CWF19L2: variants seen among roughly 807,000 people sequenced by gnomAD.
The protein encoded by CWF19L2 is CWF19-like protein 2.
Under a neutral mutation model 111.7 loss-of-function variants are expected in CWF19L2, and 98 were observed. The observed-to-expected ratio is 0.88, with a 90% CI of 0.75 to 1.04. The LOEUF is 1.04. Among genes scored for constraint, CWF19L2 ranks in the 50% least tolerant of loss-of-function variants. CWF19L2 has a pLI of 0.00. For synonymous variants in CWF19L2, 351 were observed against 342.9 expected (o/e 1.02, Z -0.26); for missense variants, 1,101 against 1,051.4 (o/e 1.05, Z -0.65).
chr11:107,429,169 G>A lies in CWF19L2; in HGVS notation c.1063C>T (p.Gln355Ter). ...ETCRRESNPR[Q>*]NQEFSFGNLR... ...TTGCCAAAAGAAAACTCTTGATTTTGCCTTGGGTTAGATTCTCTTCTACAC... is the reference window on the plus strand; with the variant it reads ...TTGCCAAAAGAAAACTCTTGATTTTACCTTGGGTTAGATTCTCTTCTACAC... The change falls in exon 8 of 18, where the codon CAA becomes TAA. Residue 355 changes from glutamine (Q) to a stop codon, truncating the protein, a stop_gained. Coordinates refer to ENST00000282251, the MANE Select transcript of CWF19L2 (RefSeq NM_152434.3). LOFTEE classifies it high-confidence loss of function. 6.2e-7 allele frequency: 1 copy of A among 1,613,740 alleles called. No individual in the cohort carries two copies. The highest frequency in any genetic ancestry group is 8.5e-7 in the Non-Finnish European group (1 of 1,179,766).
intron 8 of CWF19L2, among the ~76,000 whole-genome samples, chr11:107,425,402 C>T (rs966435838): frequency 6.6e-6 from 1 of 151,790 alleles, no homozygotes; most frequent in African/African-American, 2.4e-5. Context: ...TGTTTAGATA[C>T]ACAAATACTT....
At chr11:107,375,177 C>T (rs1369180708) in intron 12 of CWF19L2, among the ~76,000 whole-genome samples, 1 of 133,486 alleles carries the variant, frequency 7.5e-6, no homozygotes, top group Non-Finnish European at 1.6e-5. Context: ...TAATGGGAGA[C>T]TTTAACACCC....
intron 14 of CWF19L2, among the ~76,000 whole-genome samples, chr11:107,341,334 G>C: frequency 6.6e-6 from 1 of 152,078 alleles, no homozygotes; most frequent in East Asian, 1.9e-4. Context: ...TAAATGAGTA[G>C]GAATTTCATC....
At chr11:107,394,505 T>C (rs902064988) in intron 10 of CWF19L2, among the ~76,000 whole-genome samples, 1 of 152,234 alleles carries the variant, frequency 6.6e-6, no homozygotes, top group East Asian at 1.9e-4. Context: ...TATTACATTC[T>C]CTAGCCTGAA....
intron 12 of CWF19L2, among the ~76,000 whole-genome samples, chr11:107,362,195 T>A (rs1860358737): frequency 2.0e-5 from 1 of 50,324 alleles, no homozygotes; most frequent in African/African-American, 1.9e-4. Flanking sequence ...TCTCGCTGAT[T>A]GCTACCACAG....
intron 12 of CWF19L2, among the ~76,000 whole-genome samples, chr11:107,383,099 C>A (rs1860715599): frequency 1.3e-5 from 2 of 152,206 alleles, no homozygotes; most frequent in African/African-American, 4.8e-5. Flanking sequence ...TTATAATAAA[C>A]CAGTAAATGT....
intron 12 of CWF19L2, among the ~76,000 whole-genome samples, chr11:107,361,204 A>C (rs1266927221): frequency 6.6e-6 from 1 of 152,220 alleles, no homozygotes; most frequent in Non-Finnish European, 1.5e-5. Flanking sequence ...CATTTACTGA[A>C]AAGAGTATCT....
chr11:107,440,185 A>G (rs1297082962), intron 5 of CWF19L2, among the ~76,000 whole-genome samples: 1 of 152,176 alleles, frequency 6.6e-6, no homozygotes, highest in Non-Finnish European at 1.5e-5. Context: ...TACTAATGAT[A>G]CCGAAGTTGA....
At chr11:107,345,564 T>G in intron 14 of CWF19L2, 1 of 440,554 alleles carries the variant, frequency 2.3e-6, no homozygotes, top group South Asian at 1.7e-5. Flanking sequence ...ACTAAAATAG[T>G]GTTGCAAGAA....
chr11:107,396,732 A>G (rs1178117067), intron 10 of CWF19L2, among the ~76,000 whole-genome samples: 1 of 152,176 alleles, frequency 6.6e-6, no homozygotes, highest in Non-Finnish European at 1.5e-5. Flanking sequence ...TGTGGATTTT[A>G]GCTCCAGATT....
At chr11:107,436,132 G>GCA (rs1467572966) in intron 6 of CWF19L2, among the ~76,000 whole-genome samples, 1 of 143,556 alleles carries the variant, frequency 7.0e-6, no homozygotes, top group Non-Finnish European at 1.5e-5. Context: ...CCAGCCTTGT[G>GCA]ACAGAGCGAG....
At chr11:107,360,968 A>C (rs1270691214) in intron 12 of CWF19L2, among the ~76,000 whole-genome samples, 1 of 152,066 alleles carries the variant, frequency 6.6e-6, no homozygotes. Context: ...ATTAACTGTC[A>C]TTTGTCTTTG....
rs185152196 is a variant in CWF19L2, at chr11:107,433,182, T to C, written c.780+452A>G. Among the ~76,000 whole-genome samples the C allele has an allele frequency of 6.8e-4, 103 of 152,244 alleles. No individual in the cohort carries two copies. In the East Asian group the frequency reaches 0.018, roughly 26 times the overall value. ...TCAGTAATTACTGCAATAGAAAGAT[T>C]GTCCAGAACGATGGGGAAACTGGTT... On this transcript the variant is annotated intron_variant, in intron 7 of 17. Transcript: ENST00000282251.
intron 8 of CWF19L2, among the ~76,000 whole-genome samples, chr11:107,423,418 A>G (rs1861329064): frequency 1.3e-5 from 2 of 152,110 alleles, no homozygotes; most frequent in Admixed American, 1.3e-4. Context: ...TGCCCTTTCT[A>G]AAGAGCACCA....
At chr11:107,341,229 C>T (rs1216418631) in intron 14 of CWF19L2, among the ~76,000 whole-genome samples, 1 of 152,192 alleles carries the variant, frequency 6.6e-6, no homozygotes, top group Non-Finnish European at 1.5e-5. Context: ...TTCCTTAGCA[C>T]AACATTGTGA....
chr11:107,341,148 T>C (rs1859999737), intron 14 of CWF19L2, among the ~76,000 whole-genome samples: 1 of 152,204 alleles, frequency 6.6e-6, no homozygotes, highest in Non-Finnish European at 1.5e-5. Flanking sequence ...TTTCCACATA[T>C]TTGTGCTTTT....
chr11:107,424,560 T>C (rs1370367281), intron 8 of CWF19L2, among the ~76,000 whole-genome samples: 1 of 151,530 alleles, frequency 6.6e-6, no homozygotes, highest in African/African-American at 2.4e-5. Context: ...CTTCCCAGGA[T>C]AAAAGTTTAG....
chr11:107,445,154 T>C (rs12274630), intron 3 of CWF19L2, among the ~76,000 whole-genome samples: 12,351 of 152,270 alleles, frequency 0.081, 670 homozygotes, highest in African/African-American at 0.14. Context: ...CAATTCTAAT[T>C]CCAGCTATTC....
At chr11:107,350,377 T>C (rs1363629859) in intron 13 of CWF19L2, among the ~76,000 whole-genome samples, 1 of 152,136 alleles carries the variant, frequency 6.6e-6, no homozygotes, top group African/African-American at 2.4e-5. Flanking sequence ...GTGATAATAT[T>C]TGGAGGTAGG....
Sources: allele counts gnomAD v4.1 joint callset (sites outside exome capture counted in the v4.1 genomes callset), GRCh38; gene constraint gnomAD v4.1.1; transcripts MANE v1.5; gene names NCBI Gene and HGNC (gene_info 2026-07-23, HGNC 2026-07-21).